Variants in PPP6R2 observed in about 807,000 individuals in gnomAD.
PPP6R2 encodes the protein serine/threonine-protein phosphatase 6 regulatory subunit 2.
In PPP6R2, 62 loss-of-function variants were observed where a neutral mutation model predicts 100.2. The observed-to-expected ratio is 0.62, with a 90% CI of 0.50 to 0.76. The LOEUF (loss-of-function observed/expected upper bound fraction) is 0.76. Among genes scored for constraint, PPP6R2 ranks in the 30% least tolerant of loss-of-function variants. The pLI is 0.00. For missense variants in PPP6R2, 1,142 were observed against 1,276.3 expected (o/e 0.89, Z 1.60); for synonymous variants, 525 against 514.7 (o/e 1.02, Z -0.27).
intron 12 of PPP6R2, among the ~76,000 whole-genome samples, chr22:50,432,970 T>C (rs2148152111): frequency 6.9e-6 from 1 of 144,278 alleles, no homozygotes. Context: ...TGGGCTCACC[T>C]CCTGCGCCAC....
Position 50,431,469 on chromosome 22 carries a change from C to T in PPP6R2, c.1335+87C>T. ...GTCAGCGCTGACGTGTGCCGGACCT[C>T]ACTGTGCAGCTGACACGGGGGCAGG... On this transcript the variant is annotated intron_variant, in intron 11 of 23. Transcript: ENST00000612753. The surrounding 1 kb of genome is among the most constrained non-coding windows in gnomAD (Gnocchi z 4.8). The T allele has an allele frequency of 8.1e-7, 1 of 1,229,208 alleles. No individual in the cohort carries two copies. Among genetic ancestry groups the T allele is most frequent in the Non-Finnish European group, 1.1e-6 (1 of 874,996 alleles). The allele number at this position is 1,229,208 out of a possible 1,614,324, so 76.1% of individuals were successfully genotyped here.
chr22:50,358,665 A>G (rs905144766), intron 1 of PPP6R2, among the ~76,000 whole-genome samples: 14 of 152,192 alleles, frequency 9.2e-5, no homozygotes, highest in East Asian at 3.9e-4. Context: ...CTTCCACTCT[A>G]TCCTTTCCCT....
At chr22:50,401,192 C>T (rs890707168) in intron 3 of PPP6R2, among the ~76,000 whole-genome samples, 14 of 152,122 alleles carry the variant, frequency 9.2e-5, no homozygotes, top group Non-Finnish European at 1.9e-4. Flanking sequence ...CCATGCTTAA[C>T]ATCTGTCATA....
chr22:50,367,155 C>A (rs118069320), intron 1 of PPP6R2, among the ~76,000 whole-genome samples: 8 of 151,876 alleles, frequency 5.3e-5, no homozygotes, highest in African/African-American at 1.9e-4. Flanking sequence ...GATGTGGGAG[C>A]GGAGGATGCC....
rs375308909 is a variant in PPP6R2, at chr22:50,430,873, CAAAAAAA to C, written c.1126-288_1126-282del. On this transcript the variant is annotated intron_variant, in intron 10 of 23. Coordinates refer to ENST00000612753, the MANE Select transcript of PPP6R2 (RefSeq NM_001242898.2). ...TGGGAGACAAAGCAAGACTCCGTCT[CAAAAAAA>C]AAAAAAAAAAAGAATAAACCCGCAG... Among the ~76,000 whole-genome samples, 6 of 85,676 alleles carry C rather than the reference CAAAAAAA, an allele frequency of 7.0e-5. 1 individual carries two copies. Among genetic ancestry groups the C allele is most frequent in the African/African-American group, 1.5e-4 (3 of 20,506 alleles). 56.2% of individuals were successfully genotyped at this position (85,676 alleles called of 152,430 possible).
intron 7 of PPP6R2, 139 bp downstream of exon 7, chr22:50,419,118 T>C (rs2060951490): frequency 1.3e-6 from 1 of 798,192 alleles, no homozygotes; most frequent in African/African-American, 1.7e-5. Flanking sequence ...TCAGAGCCCA[T>C]GTTAACTTGG....
intron 2 of PPP6R2, among the ~76,000 whole-genome samples, chr22:50,381,901 C>G (rs1396918408): frequency 1.4e-5 from 2 of 146,516 alleles, no homozygotes; most frequent in African/African-American, 5.0e-5. Context: ...GAGCGAGACT[C>G]CGTCTCAAAA....
At chr22:50,404,137 C>T (rs2058474809) in intron 3 of PPP6R2, among the ~76,000 whole-genome samples, 1 of 143,246 alleles carries the variant, frequency 7.0e-6, no homozygotes, top group Admixed American at 7.0e-5. Flanking sequence ...CTCTGTCACC[C>T]AGACTGGAGT....
intron 2 of PPP6R2, among the ~76,000 whole-genome samples, chr22:50,388,413 C>T (rs1449253481): frequency 7.4e-5 from 10 of 134,920 alleles, no homozygotes; most frequent in Admixed American, 6.7e-4. Flanking sequence ...AAAAAATAAG[C>T]CTAAATCCTG....
chr22:50,438,579 T>G lies in PPP6R2; in HGVS notation c.1965-20T>G. 1.2e-6 allele frequency: 2 copies of G among 1,612,928 alleles called. No homozygotes were observed. Among genetic ancestry groups the G allele is most frequent in the African/African-American group, 2.7e-5 (2 of 74,994 alleles). ...CGTCCGTCCTGGGCCACCAGACATC[T>G]GACTCTGAATCTCCCCCAGGTTTGG... On this transcript the variant is annotated intron_variant, in intron 18 of 23. Coordinates refer to ENST00000612753, the MANE Select transcript of PPP6R2 (RefSeq NM_001242898.2).
At chr22:50,332,158 TG>T in the PPP6R2 span, among the ~76,000 whole-genome samples, 1 of 152,196 alleles carries the variant, frequency 6.6e-6, no homozygotes, top group Admixed American at 6.6e-5. Flanking sequence ...ATTATGGTTT[TG>T]GTGTCATATC....
intron 3 of PPP6R2, among the ~76,000 whole-genome samples, chr22:50,405,486 G>T (rs2058725313): frequency 7.2e-6 from 1 of 139,224 alleles, no homozygotes; most frequent in Non-Finnish European, 1.6e-5. Flanking sequence ...GAGGCGAGAG[G>T]CCTGGCAGAC....
At position 50,359,217 on chromosome 22, in the gene PPP6R2, C is replaced by CTT. The variant is rs368586121; in HGVS notation, c.-147-12785_-147-12784dup. On this transcript the variant is annotated intron_variant, in intron 1 of 23. Coordinates refer to ENST00000612753, the MANE Select transcript of PPP6R2 (RefSeq NM_001242898.2). ...GTTTCATCCTGTTGGCCAGGCTGGT[C>CTT]TTTTTTTTTTTTTTTTTTTGAAACT... 1.3e-3 allele frequency among the ~76,000 whole-genome samples: 165 copies of CTT among 129,164 alleles called. 3 individuals are homozygous for CTT. The highest frequency in any genetic ancestry group is 3.7e-3 in the African/African-American group (119 of 32,218). The allele number at this position is 129,164 out of a possible 152,430, so 84.7% of individuals were successfully genotyped here. A position where few individuals can be genotyped will look rare whatever the true frequency, so the allele number is the denominator to read the frequency against.
At chr22:50,420,171 G>A (rs992315471) in intron 8 of PPP6R2, among the ~76,000 whole-genome samples, 7 of 152,192 alleles carry the variant, frequency 4.6e-5, no homozygotes, top group Non-Finnish European at 7.3e-5. Flanking sequence ...CCAGTGCCTC[G>A]GGGCTCACAA....
At chr22:50,357,689 A>G (rs955707120) in intron 1 of PPP6R2, among the ~76,000 whole-genome samples, 1 of 150,814 alleles carries the variant, frequency 6.6e-6, no homozygotes, top group African/African-American at 2.4e-5. Flanking sequence ...GTGCAGTGGC[A>G]TGATCTCCAC....
chr22:50,376,713 C>T (rs1181309623), intron 2 of PPP6R2, among the ~76,000 whole-genome samples: 1 of 151,960 alleles, frequency 6.6e-6, no homozygotes, highest in African/African-American at 2.4e-5. Context: ...CGTGATCTAG[C>T]ATGCTGGCTG....
intron 21 of PPP6R2, 73 bp downstream of exon 21, chr22:50,440,122 TG>T (rs2065244651): frequency 7.4e-7 from 1 of 1,359,448 alleles, no homozygotes; most frequent in Non-Finnish European, 1.0e-6. Flanking sequence ...CCCCCCTCCT[TG>T]GGGGCAGTGG....
In PPP6R2 at chr22:50,424,436, CGTCCGCGTGTGG is replaced by C. The variant is rs1569472369; in HGVS notation, c.1125+823_1125+834del. On this transcript the variant is annotated intron_variant, in intron 10 of 23. Transcript: ENST00000612753. Reference sequence around the variant, plus strand: ...AAGGTCCGTCCGCGTGTGGAAGGTCCGTCCGCGTGTGGAACGTCTGTCAGCGTGTGGAAGGTC... The same window carrying C: ...AAGGTCCGTCCGCGTGTGGAAGGTCCAACGTCTGTCAGCGTGTGGAAGGTC... Among the ~76,000 whole-genome samples the C allele has an allele frequency of 8.9e-5, 11 of 123,318 alleles. No individual in the cohort carries two copies. In the East Asian group the frequency reaches 2.4e-3, roughly 27 times the overall value. 80.9% of individuals were successfully genotyped at this position (123,318 alleles called of 152,430 possible).
chr22:50,381,816 G>A (rs541334874), intron 2 of PPP6R2, among the ~76,000 whole-genome samples: 2 of 151,862 alleles, frequency 1.3e-5, no homozygotes, highest in East Asian at 3.9e-4. Context: ...GCTGAGACAG[G>A]AGAATGGCGT....
Sources: allele counts gnomAD v4.1 joint callset (sites outside exome capture counted in the v4.1 genomes callset), GRCh38; gene constraint gnomAD v4.1.1; non-coding constraint Gnocchi (gnomAD v3.1); transcripts MANE v1.5; gene names NCBI Gene and HGNC (gene_info 2026-07-23, HGNC 2026-07-21).